Variants in PRKCA observed in about 807,000 individuals in gnomAD.
PRKCA encodes the protein protein kinase C alpha.
A neutral mutation model predicts 87.0 loss-of-function variants in PRKCA; 27 were observed. That is an observed-to-expected ratio of 0.31 (90% confidence interval 0.23 to 0.43). The LOEUF is 0.43. Among genes scored for constraint, PRKCA ranks in the 20% least tolerant of loss-of-function variants. PRKCA has a pLI of 1.00. For missense variants in PRKCA, 518 were observed against 852.3 expected (o/e 0.61, Z 4.88); for synonymous variants, 329 against 311.1 (o/e 1.06, Z -0.61).
intron 14 of PRKCA, among the ~76,000 whole-genome samples, chr17:66,781,802 A>G (rs910943204): frequency 1.3e-5 from 2 of 151,498 alleles, no homozygotes; most frequent in African/African-American, 4.9e-5. Flanking sequence ...AACGTACTTA[A>G]TGCCACAGTA....
chr17:66,363,294 A>G (rs189098605), intron 2 of PRKCA, among the ~76,000 whole-genome samples: 5 of 152,342 alleles, frequency 3.3e-5, no homozygotes, highest in South Asian at 2.1e-4. Context: ...TTATTTTACC[A>G]TAAGTTCATT....
intron 2 of PRKCA, among the ~76,000 whole-genome samples, chr17:66,402,607 C>T (rs1911101431): frequency 2.0e-5 from 3 of 151,936 alleles, no homozygotes; most frequent in Admixed American, 2.0e-4. Context: ...AATTACTGTT[C>T]CCAGTGTTAT....
At chr17:66,706,778 CGTGT>C (rs554913468) in intron 8 of PRKCA, among the ~76,000 whole-genome samples, 157 of 152,262 alleles carry the variant, frequency 1.0e-3, no homozygotes, top group African/African-American at 3.7e-3. Context: ...TTCATTCATT[CGTGT>C]GTTGTCCACA....
chr17:66,784,092 T>G (rs543154321), intron 14 of PRKCA, among the ~76,000 whole-genome samples: 2 of 152,234 alleles, frequency 1.3e-5, no homozygotes, highest in African/African-American at 4.8e-5. Context: ...CAGGCCCTCT[T>G]GGGCCATGTG....
In PRKCA at chr17:66,768,757, G is replaced by A. The variant is rs369862272; in HGVS notation, c.1525-5230G>A. ...ACAGCAAGGGGAAATCCGCCCCCAT[G>A]AGCCAATCACCTCCCTCCAGGACCT... On this transcript the variant is annotated intron_variant, in intron 13 of 16. Transcript: ENST00000413366. 1.2e-4 allele frequency among the ~76,000 whole-genome samples: 18 copies of A among 152,304 alleles called. No individual in the cohort carries two copies. The East Asian group carries it at 1.7e-3, about 15-fold the overall frequency.
chr17:66,765,287 C>G (rs1437496929), intron 13 of PRKCA, among the ~76,000 whole-genome samples: 1 of 151,152 alleles, frequency 6.6e-6, no homozygotes, highest in Non-Finnish European at 1.5e-5. Context: ...ATGATGGGTG[C>G]CTATAATCCC....
chr17:66,686,483 G>A (rs1250444063), intron 5 of PRKCA, among the ~76,000 whole-genome samples: 2 of 152,170 alleles, frequency 1.3e-5, no homozygotes, highest in African/African-American at 2.4e-5. Context: ...TGCCCCTGCT[G>A]CCCAGTAGAA....
At chr17:66,641,493 T>C (rs777001651) in intron 4 of PRKCA, 27 bp downstream of exon 4, 4 of 1,546,838 alleles carry the variant, frequency 2.6e-6, no homozygotes, top group Admixed American at 1.7e-5. Flanking sequence ...TTCCAGTTCA[T>C]AGCGAGGCTC....
At position 66,430,520 on chromosome 17, in the gene PRKCA, GTC is replaced by G. The variant is rs143196161; in HGVS notation, c.206-65670_206-65669del. On this transcript the variant is annotated intron_variant, in intron 2 of 16. Transcript: ENST00000413366. Reference sequence around the variant, plus strand: ...GTTCCTCCCCTATTCTTAAGGGGTGGTCTCTCTCTCTCAGGGTTGAAGCCTAA... The same window carrying G: ...GTTCCTCCCCTATTCTTAAGGGGTGGTCTCTCTCTCAGGGTTGAAGCCTAA... Among the ~76,000 whole-genome samples, 1,148 of 151,900 alleles carry G rather than the reference GTC, an allele frequency of 7.6e-3. 8 individuals carry two copies. Among genetic ancestry groups the G allele is most frequent in the Middle Eastern group, 0.02 (6 of 294 alleles).
chr17:66,472,373 C>T (rs1915361290), intron 2 of PRKCA, among the ~76,000 whole-genome samples: 1 of 152,152 alleles, frequency 6.6e-6, no homozygotes, highest in Admixed American at 6.5e-5. Flanking sequence ...CCTGTCTGCT[C>T]ACAGCCCACC....
At chr17:66,487,331 G>A (rs1916026661) in intron 2 of PRKCA, among the ~76,000 whole-genome samples, 1 of 152,106 alleles carries the variant, frequency 6.6e-6, no homozygotes, top group Admixed American at 6.6e-5. Flanking sequence ...TTCTTTTCAT[G>A]TTGCTGCAAA....
intron 8 of PRKCA, among the ~76,000 whole-genome samples, chr17:66,711,325 T>C (rs1484854335): frequency 6.6e-6 from 1 of 152,244 alleles, no homozygotes; most frequent in Non-Finnish European, 1.5e-5. Flanking sequence ...ATATGGATGA[T>C]GTAGTGTAAT....
intron 2 of PRKCA, among the ~76,000 whole-genome samples, chr17:66,347,834 A>C (rs972391556): frequency 1.3e-5 from 2 of 151,842 alleles, no homozygotes; most frequent in African/African-American, 4.8e-5. Flanking sequence ...CTTTTGAGTC[A>C]AAGTGGTGTT....
intron 8 of PRKCA, among the ~76,000 whole-genome samples, chr17:66,710,583 C>T (rs1973300027): frequency 1.3e-5 from 2 of 152,052 alleles, no homozygotes; most frequent in Admixed American, 6.5e-5. Flanking sequence ...AAGGATGCAC[C>T]GCGTGTTCTG....
chr17:66,437,731 T>TTTTTTTTTTTTTTTGGG (rs55779501), intron 2 of PRKCA, among the ~76,000 whole-genome samples: 2 of 11,140 alleles, frequency 1.8e-4, no homozygotes, highest in Non-Finnish European at 1.6e-4. Flanking sequence ...TTTTTTTTTT[T>TTTTTTTTTTTTTTTGGG]GAGCGGGGGG....
intron 2 of PRKCA, among the ~76,000 whole-genome samples, chr17:66,436,610 G>T (rs1026330826): frequency 2.0e-5 from 3 of 152,210 alleles, no homozygotes; most frequent in Admixed American, 1.3e-4. Flanking sequence ...GGAATCAGTC[G>T]CAGAGAGGTG....
At chr17:66,390,802 A>G (rs1251348889) in intron 2 of PRKCA, among the ~76,000 whole-genome samples, 1 of 152,200 alleles carries the variant, frequency 6.6e-6, no homozygotes, top group Admixed American at 6.5e-5. Flanking sequence ...GTGAGCAGCC[A>G]TAGTTGGCAA....
At chr17:66,481,289 A>G (rs758677816) in intron 2 of PRKCA, among the ~76,000 whole-genome samples, 1 of 152,152 alleles carries the variant, frequency 6.6e-6, no homozygotes, top group African/African-American at 2.4e-5. Flanking sequence ...GCCCAGCACC[A>G]TATCTGGGAT....
intron 3 of PRKCA, among the ~76,000 whole-genome samples, chr17:66,607,731 G>C (rs148116135): frequency 6.6e-6 from 1 of 152,244 alleles, no homozygotes; most frequent in South Asian, 2.1e-4. Flanking sequence ...GGTAGAGTGT[G>C]GGGGGCCGGG....
Sources: allele counts gnomAD v4.1 joint callset (sites outside exome capture counted in the v4.1 genomes callset), GRCh38; gene constraint gnomAD v4.1.1; transcripts MANE v1.5; gene names NCBI Gene and HGNC (gene_info 2026-07-23, HGNC 2026-07-21).